ABCC4: variants seen among roughly 807,000 people sequenced by gnomAD.
ABCC4 encodes the protein ATP-binding cassette sub-family C member 4.
A neutral mutation model predicts 168.5 loss-of-function variants in ABCC4; 102 were observed. The ratio of observed to expected loss-of-function variants is 0.61; its 90% confidence interval spans 0.52 to 0.71. ABCC4 has a LOEUF of 0.71. ABCC4 is among the 30% of genes least tolerant of loss of function. The pLI is 0.00. For missense variants in ABCC4, 1,402 were observed against 1,605.8 expected (o/e 0.87, Z 2.17); for synonymous variants, 617 against 590.7 (o/e 1.04, Z -0.65).
In ABCC4 at chr13:95,214,427, C is replaced by T. The variant is rs1385312306; in HGVS notation, c.532-3646G>A. ...AAAGTTGGTAGCAAATATTAATTTA[C>T]ATAATGAAGAATCTTAGCAAGTTCA... On this transcript the variant is annotated intron_variant, in intron 4 of 30. Transcript: ENST00000645237. 5.9e-5 allele frequency among the ~76,000 whole-genome samples: 9 copies of T among 152,096 alleles called. No homozygotes were observed. In the East Asian group the frequency reaches 1.7e-3, roughly 29 times the overall value.
At chr13:95,224,839 C>T (rs1010574677) in intron 4 of ABCC4, among the ~76,000 whole-genome samples, 1 of 151,814 alleles carries the variant, frequency 6.6e-6, no homozygotes, top group Non-Finnish European at 1.5e-5. Context: ...ATGAAGAGCA[C>T]CAGAAATAGT....
chr13:95,123,378 C>A (rs751284420), intron 19 of ABCC4, among the ~76,000 whole-genome samples: 1 of 151,778 alleles, frequency 6.6e-6, no homozygotes, highest in Non-Finnish European at 1.5e-5. Context: ...TGTTTTTTTG[C>A]GGGGGACGAA....
intron 20 of ABCC4, among the ~76,000 whole-genome samples, chr13:95,083,514 T>C (rs1291752376): frequency 1.3e-5 from 2 of 149,892 alleles, no homozygotes; most frequent in African/African-American, 5.0e-5. Context: ...ATCCATTAGG[T>C]TTTTTTTTCC....
At chr13:95,215,336 G>A (rs1000878187) in intron 4 of ABCC4, among the ~76,000 whole-genome samples, 3 of 152,062 alleles carry the variant, frequency 2.0e-5, no homozygotes, top group African/African-American at 7.2e-5. Flanking sequence ...ACGAGGCGGA[G>A]GTTGCAGTGA....
intron 27 of ABCC4, among the ~76,000 whole-genome samples, chr13:95,047,916 C>T (rs573268090): frequency 9.2e-5 from 14 of 152,218 alleles, no homozygotes; most frequent in South Asian, 2.1e-4. Flanking sequence ...AGAATTTGTG[C>T]CCTAAGAGGG....
chr13:95,160,463 T>C (rs1350886236), intron 19 of ABCC4, among the ~76,000 whole-genome samples: 1 of 152,154 alleles, frequency 6.6e-6, no homozygotes. Flanking sequence ...AAGAAGCGCA[T>C]AGTGCAGAGG....
At chr13:95,124,513 C>T (rs909097629) in intron 19 of ABCC4, among the ~76,000 whole-genome samples, 7 of 148,176 alleles carry the variant, frequency 4.7e-5, no homozygotes, top group Middle Eastern at 3.3e-3. Context: ...GCTATGATCA[C>T]GCTAATGCAC....
intron 30 of ABCC4, among the ~76,000 whole-genome samples, chr13:95,024,218 A>AC (rs1272569998): frequency 6.6e-6 from 1 of 151,928 alleles, no homozygotes; most frequent in African/African-American, 2.4e-5. Context: ...AAAAAAAAAA[A>AC]AAAAAAAAAA....
intron 4 of ABCC4, among the ~76,000 whole-genome samples, chr13:95,229,232 T>C (rs1228096640): frequency 6.6e-6 from 1 of 152,200 alleles, no homozygotes; most frequent in Non-Finnish European, 1.5e-5. Flanking sequence ...ATATTCCATA[T>C]ATTCTTCTAG....
chr13:95,272,773 C>T (rs549989381), intron 1 of ABCC4, among the ~76,000 whole-genome samples: 7 of 131,522 alleles, frequency 5.3e-5, no homozygotes, highest in East Asian at 2.2e-4. Context: ...CTGTAATCCC[C>T]GCTACTCGAG....
At chr13:95,031,716 T>A (rs2031886252) in intron 30 of ABCC4, among the ~76,000 whole-genome samples, 1 of 152,192 alleles carries the variant, frequency 6.6e-6, no homozygotes, top group African/African-American at 2.4e-5. Context: ...AAACATTGAT[T>A]TAAAAAAAGA....
chr13:95,113,984 T>A (rs1037464508), intron 20 of ABCC4, among the ~76,000 whole-genome samples: 1 of 152,200 alleles, frequency 6.6e-6, no homozygotes, highest in Non-Finnish European at 1.5e-5. Flanking sequence ...TAAAGACACC[T>A]GCAAACAAAA....
intron 4 of ABCC4, among the ~76,000 whole-genome samples, chr13:95,228,542 A>G (rs2039531084): frequency 6.6e-6 from 1 of 152,140 alleles, no homozygotes; most frequent in African/African-American, 2.4e-5. Flanking sequence ...TGAGAGGTCA[A>G]TGTAGGCGCA....
rs142038869 is a variant in ABCC4, at chr13:95,206,186, T to C, written c.1161+346A>G. Among the ~76,000 whole-genome samples the C allele has an allele frequency of 9.8e-5, 15 of 152,324 alleles. 1 individual carries two copies. The East Asian group carries it at 2.9e-3, about 29-fold the overall frequency. On this transcript the variant is annotated intron_variant, in intron 8 of 30. Transcript: ENST00000645237. Reference sequence around the variant, plus strand: ...CAGAAGAATCATACTCAACTCATACTCACTACTTTCTCATTGGTGTTAACA... The same window carrying C: ...CAGAAGAATCATACTCAACTCATACCCACTACTTTCTCATTGGTGTTAACA...
At chr13:95,069,612 G>A (rs2033659916) in intron 25 of ABCC4, among the ~76,000 whole-genome samples, 1 of 151,976 alleles carries the variant, frequency 6.6e-6, no homozygotes, top group South Asian at 2.1e-4. Context: ...AAACACTAAT[G>A]CCCATTCCCC....
At position 95,290,997 on chromosome 13, in the gene ABCC4, C is replaced by CAAAAA. The variant is rs762030761; in HGVS notation, c.74+10239_74+10243dup. On this transcript the variant is annotated intron_variant, in intron 1 of 30. Transcript: ENST00000645237. ...TGGGCGACAGAGCAAGACCCTGTCT[C>CAAAAA]AAAAAAAAAAAAAGAGGAAACCATG... Among the ~76,000 whole-genome samples the CAAAAA allele has an allele frequency of 5.1e-3, 187 of 36,426 alleles. 12 individuals are homozygous for CAAAAA. The highest frequency in any genetic ancestry group is 5.8e-3 in the Non-Finnish European group (101 of 17,562). 23.9% of individuals were successfully genotyped at this position (36,426 alleles called of 152,430 possible).
chr13:95,159,574 G>A (rs957496855), intron 19 of ABCC4, among the ~76,000 whole-genome samples: 9 of 152,098 alleles, frequency 5.9e-5, no homozygotes, highest in East Asian at 1.9e-4. Flanking sequence ...TGAGCATTCC[G>A]AGGCCTGTGA....
At chr13:95,123,693 A>C (rs2035654352) in intron 19 of ABCC4, among the ~76,000 whole-genome samples, 1 of 152,198 alleles carries the variant, frequency 6.6e-6, no homozygotes, top group Admixed American at 6.5e-5. Flanking sequence ...CACTGGTAGC[A>C]GGTTAATAGA....
intron 20 of ABCC4, among the ~76,000 whole-genome samples, chr13:95,110,978 A>G (rs2035183447): frequency 8.9e-6 from 1 of 112,246 alleles, no homozygotes; most frequent in African/African-American, 3.1e-5. Context: ...AGAAAAAAAA[A>G]AAGAAAGAAA....
Sources: allele counts gnomAD v4.1 joint callset (sites outside exome capture counted in the v4.1 genomes callset), GRCh38; gene constraint gnomAD v4.1.1; transcripts MANE v1.5; gene names NCBI Gene and HGNC (gene_info 2026-07-23, HGNC 2026-07-21).